MTRR: variants seen among roughly 807,000 people sequenced by gnomAD.
The protein encoded by MTRR is 5-methyltetrahydrofolate-homocysteine methyltransferase reductase.
A neutral mutation model predicts 79.2 loss-of-function variants in MTRR; 63 were observed. The ratio of observed to expected loss-of-function variants is 0.80; its 90% confidence interval spans 0.65 to 0.98. MTRR has a LOEUF of 0.98. Ranked by LOEUF, MTRR falls within the 50% of genes least tolerant of loss-of-function variation. MTRR has a pLI of 0.00. For missense variants in MTRR, 895 were observed against 839.6 expected (o/e 1.07, Z -0.82); for synonymous variants, 355 against 313.3 (o/e 1.13, Z -1.41).
At chr5:7,873,969 C>A (rs954925482) in intron 3 of MTRR, among the ~76,000 whole-genome samples, 1 of 152,202 alleles carries the variant, frequency 6.6e-6, no homozygotes, top group African/African-American at 2.4e-5. Context: ...AGCTACACAT[C>A]AGGATTAGCT....
intron 14 of MTRR, 52 bp from the exon 15 acceptor site, chr5:7,899,862 T>C: frequency 6.2e-7 from 1 of 1,607,328 alleles, no homozygotes; most frequent in Non-Finnish European, 8.5e-7. Flanking sequence ...TTAAGGAGGA[T>C]TTACTAAAAA....
chr5:7,867,323 T>G, upstream of MTRR: 2 of 1,614,006 alleles, frequency 1.2e-6, no homozygotes, highest in Non-Finnish European at 1.7e-6. Flanking sequence ...CACAATATCC[T>G]CCGGGGTAAA....
upstream of MTRR, chr5:7,867,640 C>T (rs1471882902): frequency 3.1e-6 from 5 of 1,614,112 alleles, no homozygotes; most frequent in Non-Finnish European, 2.5e-6. Context: ...CTTTTGGCAG[C>T]CCTTGATCAC....
intron 8 of MTRR, among the ~76,000 whole-genome samples, chr5:7,887,792 GCATATA>G (rs1323087866): frequency 9.2e-4 from 24 of 25,988 alleles, no homozygotes; most frequent in African/African-American, 2.6e-3. Flanking sequence ...GTGTGTGTGT[GCATATA>G]TATATATATA....
intron 8 of MTRR, among the ~76,000 whole-genome samples, chr5:7,888,127 G>T (rs1736937576): frequency 6.6e-6 from 1 of 151,930 alleles, no homozygotes. Flanking sequence ...ATTAAAAAAG[G>T]CAAACTTTCT....
chr5:7,859,503 G>A (rs577450607), intron 1 of MTRR: 9 of 1,604,872 alleles, frequency 5.6e-6, no homozygotes, highest in South Asian at 3.3e-5. Context: ...ACCAATTCAC[G>A]TCTTGATTTT....
At chr5:7,889,421 T>C (rs1483328712) in intron 9 of MTRR, 146 bp downstream of exon 9, 4 of 860,030 alleles carry the variant, frequency 4.7e-6, no homozygotes, top group African/African-American at 3.3e-5. Flanking sequence ...TGGTGGTGAT[T>C]GGTAAGTAAA....
intron 7 of MTRR, 126 bp from the exon 8 acceptor site, chr5:7,886,489 C>A: frequency 1.3e-6 from 1 of 767,566 alleles, no homozygotes; most frequent in Non-Finnish European, 2.3e-6. Context: ...ATAAACATTG[C>A]CACAAGTCAT....
At chr5:7,854,333 A>G (rs1489090128) in intron 1 of MTRR, among the ~76,000 whole-genome samples, 2 of 151,600 alleles carry the variant, frequency 1.3e-5, no homozygotes, top group Non-Finnish European at 2.9e-5. Context: ...TAGGATGTAT[A>G]TATATATCTA....
In MTRR at chr5:7,889,287, C is replaced by T; in HGVS notation, c.1327+12C>T. 1.9e-6 allele frequency: 3 copies of T among 1,612,328 alleles called. No individual in the cohort carries two copies. Among genetic ancestry groups the T allele is most frequent in the Non-Finnish European group, 1.7e-6 (2 of 1,179,966 alleles). On this transcript the variant is annotated intron_variant, in intron 9 of 14. Coordinates refer to ENST00000440940, the MANE Select transcript of MTRR (RefSeq NM_002454.3). ...CAGTCTCCTGCTCGGTGAGTAGTCG[C>T]TTTCACAAGCACCTTGGTGGCTGTT... is the stretch of plus-strand genomic sequence containing the variant.
chr5:7,862,276 C>A (rs993590511), intron 2 of MTRR, among the ~76,000 whole-genome samples: 2 of 152,144 alleles, frequency 1.3e-5, no homozygotes, highest in Non-Finnish European at 2.9e-5. Flanking sequence ...CTTGTCAGTG[C>A]TGTCCAGGAG....
At chr5:7,871,913 A>G (rs1433839360) in intron 2 of MTRR, among the ~76,000 whole-genome samples, 1 of 152,214 alleles carries the variant, frequency 6.6e-6, no homozygotes, top group African/African-American at 2.4e-5. Context: ...AACCAAAGCC[A>G]TCAGTATCAT....
intron 8 of MTRR, 91 bp from the exon 9 acceptor site, chr5:7,889,004 T>TG: frequency 2.0e-6 from 3 of 1,463,476 alleles, no homozygotes; most frequent in Non-Finnish European, 2.8e-6. Context: ...CTTGGGTAAT[T>TG]GGGTGCATCC....
At chr5:7,898,783 TA>T (rs1174595037) in intron 14 of MTRR, among the ~76,000 whole-genome samples, 1 of 152,304 alleles carries the variant, frequency 6.6e-6, no homozygotes, top group East Asian at 1.9e-4. Flanking sequence ...CCTAACATAG[TA>T]GAGTCTTGTC....
At chr5:7,881,328 C>T (rs1405754240) in intron 5 of MTRR, among the ~76,000 whole-genome samples, 3 of 151,862 alleles carry the variant, frequency 2.0e-5, no homozygotes, top group African/African-American at 4.8e-5. Context: ...CCGAGTGTGT[C>T]GCAACAACCC....
At chr5:7,884,123 C>A (rs1476185909) in intron 6 of MTRR, among the ~76,000 whole-genome samples, 2 of 152,150 alleles carry the variant, frequency 1.3e-5, no homozygotes, top group Admixed American at 6.5e-5. Context: ...GTAATTGTGC[C>A]ACTGCACTCC....
upstream of MTRR, among the ~76,000 whole-genome samples, chr5:7,868,822 G>A (rs1228770048): frequency 6.6e-6 from 1 of 152,142 alleles, no homozygotes; most frequent in Non-Finnish European, 1.5e-5. Context: ...CGTTTTCCTA[G>A]GAATGAAAGG....
At chr5:7,877,581 TA>T (rs1489240269) in intron 4 of MTRR, among the ~76,000 whole-genome samples, 1 of 151,924 alleles carries the variant, frequency 6.6e-6, no homozygotes, top group African/African-American at 2.4e-5. Context: ...GGATTTTGGT[TA>T]AGTTCTGTTA....
rs1468977614 is a variant in MTRR, at chr5:7,900,834, C to T, written c.*776C>T. On this transcript the variant is annotated 3_prime_UTR_variant, in exon 15 of 15. Transcript: ENST00000440940. Reference sequence around the variant, plus strand: ...ATTTTCACTCCTTTTATTTCTGCTGCTTGGCACATTTTTGAGTTTTCCCAC... The same window carrying T: ...ATTTTCACTCCTTTTATTTCTGCTGTTTGGCACATTTTTGAGTTTTCCCAC... The T allele has an allele frequency of 1.3e-5, 2 of 151,772 alleles. No homozygotes were observed. Among genetic ancestry groups the T allele is most frequent in the Admixed American group, 6.6e-5 (1 of 15,192 alleles). 9.4% of individuals were successfully genotyped at this position (151,772 alleles called of 1,614,324 possible).
Sources: gnomAD v4.1 joint callset for allele counts (sites outside exome capture counted in the v4.1 genomes callset) on GRCh38, gnomAD v4.1.1 for gene constraint, MANE v1.5 for transcripts, NCBI Gene and HGNC (gene_info 2026-07-23, HGNC 2026-07-21) for gene names.